The following R3HDM2 variants were observed in gnomAD, a reference collection of about 807,000 sequenced individuals.
The protein encoded by R3HDM2 is R3H domain-containing protein 2.
R3HDM2 carries 38 observed loss-of-function variants against 124.5 expected under a neutral mutation model. The ratio of observed to expected loss-of-function variants is 0.31; its 90% CI spans 0.24 to 0.40. The LOEUF (loss-of-function observed/expected upper bound fraction) is 0.40. Among genes scored for constraint, R3HDM2 ranks in the 10% least tolerant of loss-of-function variants. The probability of loss-of-function intolerance (pLI) is 1.00; values close to 1 mark genes in which losing one functional copy is unlikely to be tolerated. For missense variants in R3HDM2, 869 were observed against 1,236.9 expected, an observed-to-expected ratio of 0.70 and a Z score of 4.46; for synonymous variants, 391 against 448.0, an observed-to-expected ratio of 0.87 and a Z score of 1.61.
At chr12:57,355,039 A>G (rs2061105692) in intron 2 of R3HDM2, among the ~76,000 whole-genome samples, 1 of 150,652 alleles carries the variant, frequency 6.6e-6, no homozygotes, top group African/African-American at 2.4e-5. Flanking sequence ...GTCCGCCTCC[A>G]CCTCCCACAG....
chr12:57,256,547 A>G (rs757679809), intron 21 of R3HDM2, 36 bp from the exon 22 acceptor site: 67 of 1,459,064 alleles, frequency 4.6e-5, no homozygotes, highest in Non-Finnish European at 6.0e-5. Context: ...CTGGGAGCTT[A>G]AGCTTCATAG....
intron 7 of R3HDM2, chr12:57,297,633 C>G (rs1158973837): frequency 2.5e-6 from 1 of 406,830 alleles, no homozygotes; most frequent in African/African-American, 2.1e-5. Flanking sequence ...TATACCATAT[C>G]AGAAATCTCA....
At chr12:57,300,276 A>T in intron 4 of R3HDM2, 95 bp from the exon 5 acceptor site, 1 of 1,104,314 alleles carries the variant, frequency 9.1e-7, no homozygotes, top group Admixed American at 2.1e-5. Flanking sequence ...CTGAATGAAA[A>T]GTGTCCTCTT....
chr12:57,334,786 C>T (rs983351742), intron 2 of R3HDM2, among the ~76,000 whole-genome samples: 2 of 152,058 alleles, frequency 1.3e-5, no homozygotes, highest in African/African-American at 4.8e-5. Flanking sequence ...CAGTGTTCAG[C>T]TAAATCACAA....
intron 1 of R3HDM2, among the ~76,000 whole-genome samples, chr12:57,428,935 C>T (rs1371027322): frequency 2.6e-5 from 4 of 151,828 alleles, no homozygotes; most frequent in Non-Finnish European, 4.4e-5. Context: ...TTAGTAGAGA[C>T]GGGGTTCCAC....
In R3HDM2 at chr12:57,382,182, G is replaced by A. The variant is rs73115997; in HGVS notation, c.-36+13567C>T. The stretch of plus-strand genomic sequence containing the variant: ...CAGGCTAGAGTGCAATGACACAATC[G>A]TGGCTCACTGCATCCTCAACCTCCT... On this transcript the variant is annotated intron_variant, in intron 2 of 23. Transcript: ENST00000402412. Among the ~76,000 whole-genome samples the A allele has an allele frequency of 7.9e-3, 1,180 of 150,292 alleles. 3 individuals carry two copies. The highest frequency in any genetic ancestry group is 0.021 in the Middle Eastern group (6 of 290).
chr12:57,335,644 G>GGT (rs1490467245), intron 2 of R3HDM2, among the ~76,000 whole-genome samples: 1 of 150,414 alleles, frequency 6.6e-6, no homozygotes, highest in Non-Finnish European at 1.5e-5. Context: ...ACTACAGGCA[G>GGT]GTGCCACCAT....
intron 2 of R3HDM2, among the ~76,000 whole-genome samples, chr12:57,327,788 T>C (rs888364137): frequency 7.2e-5 from 11 of 152,166 alleles, no homozygotes; most frequent in African/African-American, 2.7e-4. Context: ...TGCAATCTCA[T>C]GGTAAAACTT....
At chr12:57,390,545 T>C (rs999485233) in intron 2 of R3HDM2, among the ~76,000 whole-genome samples, 2 of 151,296 alleles carry the variant, frequency 1.3e-5, no homozygotes, top group Non-Finnish European at 2.9e-5. Context: ...AAAAATAAAA[T>C]AATTAGCCAA....
At chr12:57,313,928 C>T (rs1417893664) in intron 2 of R3HDM2, among the ~76,000 whole-genome samples, 3 of 149,318 alleles carry the variant, frequency 2.0e-5, no homozygotes, top group African/African-American at 2.5e-5. Context: ...GTGGCTCATA[C>T]CTGCAATCCC....
At chr12:57,404,862 A>T (rs1188187223) in intron 1 of R3HDM2, among the ~76,000 whole-genome samples, 2 of 152,082 alleles carry the variant, frequency 1.3e-5, no homozygotes, top group African/African-American at 4.8e-5. Flanking sequence ...TATTTGTAAA[A>T]TACAGATTTT....
Position 57,327,161 on chromosome 12 carries a change from T to C in R3HDM2, c.-35-16698A>G, listed in dbSNP as rs534280988. On this transcript the variant is annotated intron_variant, in intron 2 of 23. Coordinates refer to ENST00000402412, the MANE Select transcript of R3HDM2 (RefSeq NM_001394031.1). ...GAGTCATTTAGACTTTCAAGTCTTA[T>C]TATTTAAGAAATACATTTTGTAGGG... Among the ~76,000 whole-genome samples the C allele has an allele frequency of 3.3e-5, 5 of 152,292 alleles. No individual in the cohort carries two copies. In the South Asian group the frequency reaches 8.3e-4, roughly 25 times the overall value.
chr12:57,342,830 T>G (rs2059699916), intron 2 of R3HDM2, among the ~76,000 whole-genome samples: 1 of 152,172 alleles, frequency 6.6e-6, no homozygotes, highest in African/African-American at 2.4e-5. Context: ...GACCAAACCT[T>G]GTTATAGAGA....
intron 21 of R3HDM2, among the ~76,000 whole-genome samples, chr12:57,257,658 C>T (rs945360552): frequency 3.3e-5 from 5 of 152,194 alleles, no homozygotes; most frequent in Admixed American, 2.0e-4. Flanking sequence ...CTTACAAAAT[C>T]CCACATTCCC....
Position 57,268,704 on chromosome 12 carries a change from G to A in R3HDM2, c.1875+218C>T, listed in dbSNP as rs1246298352. The A allele has an allele frequency of 5.8e-6, 4 of 691,134 alleles. No individual in the cohort carries two copies. In the South Asian group the frequency reaches 6.1e-5, roughly 11 times the overall value. The allele number at this position is 691,134 out of a possible 1,614,324, so 42.8% of individuals were successfully genotyped here. On this transcript the variant is annotated intron_variant, in intron 17 of 23. Coordinates refer to ENST00000402412, the MANE Select transcript of R3HDM2 (RefSeq NM_001394031.1). Reference sequence around the variant, plus strand: ...GATTTCCTTTAGCCACTACTTTCCTGGGCATATACTCATTCCATGGCTGTA... The same window carrying A: ...GATTTCCTTTAGCCACTACTTTCCTAGGCATATACTCATTCCATGGCTGTA...
In R3HDM2 at chr12:57,298,093, G is replaced by A; in HGVS notation, c.497C>T (p.Pro166Leu). The A allele has an allele frequency of 6.5e-7, 1 of 1,547,796 alleles. No individual in the cohort carries two copies. The highest frequency in any genetic ancestry group is 8.7e-7 in the Non-Finnish European group (1 of 1,143,890). The change falls in exon 7 of 24, where the codon CCA (proline) becomes CTA (leucine). Residue 166 changes from proline (P) to leucine (L), a missense_variant. By Grantham distance (98) the Pro-to-Leu change is moderately conservative (BLOSUM62 -3). Transcript: ENST00000402412. ...CTTATACCCATCATGTTATTACCTTGGGTTCTTTTTCAGTGTATTTACAAG... is the reference window on the plus strand; with the variant it reads ...CTTATACCCATCATGTTATTACCTTAGGTTCTTTTTCAGTGTATTTACAAG... Reference protein sequence around the residue: ...EFLVNTLKKNPRDRMMLLKLE... With the variant: ...EFLVNTLKKNLRDRMMLLKLE...
At position 57,295,504 on chromosome 12, in the gene R3HDM2, A is replaced by G; in HGVS notation, c.705T>C (p.Pro235=). Reference sequence around the variant, plus strand: ...TTATATGTTCTGAGAACCTCTGTTCAGGGCTGAGATTTGGAGAGAAATGTG... The same window carrying G: ...TTATATGTTCTGAGAACCTCTGTTCGGGGCTGAGATTTGGAGAGAAATGTG... ...IINKTSNTRI[P]EQRFSEHIKD... The change falls in exon 10 of 24, where the codon CCT becomes CCC. Residue 235 remains proline (P), a synonymous_variant. Transcript: ENST00000402412. The G allele has an allele frequency of 6.5e-7, 1 of 1,549,446 alleles. No individual in the cohort carries two copies. The highest frequency in any genetic ancestry group is 1.2e-5 in the South Asian group (1 of 84,012).
chr12:57,317,536 C>G (rs2055348162), intron 2 of R3HDM2, among the ~76,000 whole-genome samples: 1 of 151,718 alleles, frequency 6.6e-6, no homozygotes, highest in Non-Finnish European at 1.5e-5. Flanking sequence ...CTCGACCCTC[C>G]CTATCTCTGG....
intron 1 of R3HDM2, among the ~76,000 whole-genome samples, chr12:57,407,686 T>C (rs1301344798): frequency 1.3e-5 from 2 of 152,038 alleles, no homozygotes; most frequent in African/African-American, 2.4e-5. Context: ...ATTACAGGCA[T>C]GAGCCACCAC....
Sources: gnomAD v4.1 joint callset for allele counts (sites outside exome capture counted in the v4.1 genomes callset) on GRCh38, gnomAD v4.1.1 for gene constraint, MANE v1.5 for transcripts, NCBI Gene and HGNC (gene_info 2026-07-23, HGNC 2026-07-21) for gene names.